The following RANBP2 variants were observed in gnomAD, a reference collection of about 807,000 sequenced individuals.
The protein encoded by RANBP2 is RAN binding protein 2.
RANBP2 carries 57 observed loss-of-function variants against 303.6 expected under a neutral mutation model. That is an observed-to-expected ratio of 0.19 (90% CI 0.15 to 0.23). RANBP2 has a LOEUF of 0.23. RANBP2 is among the 10% of genes least tolerant of loss of function. The pLI is 1.00. For missense variants in RANBP2, 3,138 were observed against 3,780.8 expected, an observed-to-expected ratio of 0.83 and a Z score of 4.46; for synonymous variants, 1,167 against 1,301.5, an observed-to-expected ratio of 0.90 and a Z score of 2.23.
At chr2:109,691,527 GC>G in the RANBP2 span, among the ~76,000 whole-genome samples, 3 of 152,214 alleles carry the variant, frequency 2.0e-5, no homozygotes, top group Admixed American at 2.0e-4. Context: ...AGCTTCAGGG[GC>G]CAGGCTAGGT....
At chr2:108,788,924 G>GAAC, downstream of RANBP2, 1 of 1,614,124 alleles carries the variant, frequency 6.2e-7, no homozygotes, top group Non-Finnish European at 8.5e-7. Context: ...AAGCATTGTA[G>GAAC]AACACCATTG....
the RANBP2 span, among the ~76,000 whole-genome samples, chr2:109,723,482 A>G: frequency 1.3e-5 from 2 of 152,192 alleles, no homozygotes; most frequent in Admixed American, 1.3e-4. Context: ...ATAAGATGGT[A>G]TCTCATTGTG....
the RANBP2 span, among the ~76,000 whole-genome samples, chr2:109,175,942 T>C: frequency 1.3e-5 from 2 of 152,242 alleles, no homozygotes; most frequent in African/African-American, 4.8e-5. Flanking sequence ...TAATACTTTA[T>C]TTTTCTGGAT....
At chr2:109,644,580 GA>G in the RANBP2 span, among the ~76,000 whole-genome samples, 1 of 152,052 alleles carries the variant, frequency 6.6e-6, no homozygotes, top group Non-Finnish European at 1.5e-5. Context: ...AGCTCCAAGG[GA>G]AAAAAAGAAT....
rs753674152 is a variant in RANBP2 at position 108,740,665 on chromosome 2, A to T, written c.959A>T (p.Tyr320Phe). The change falls in exon 7 of 29, where the codon TAT (tyrosine) becomes TTT (phenylalanine). Residue 320 changes from tyrosine to phenylalanine, a missense_variant. Physicochemically the swap from Tyr to Phe is conservative, Grantham distance 22 (BLOSUM62 3). Around this residue, in one of 20 missense-constraint regions of RANBP2, gnomAD observed 306 missense variants for 381.9 expected, o/e 0.80. Coordinates refer to ENST00000283195, the MANE Select transcript of RANBP2 (RefSeq NM_006267.5). Reference protein sequence around the residue: ...RALSELAALCYLIAFQVPRPK... With the variant: ...RALSELAALCFLIAFQVPRPK... ...CTTTCTGAGCTGGCTGCATTGTGCT[A>T]TCTCATAGCATTTCAGGTAAGTCTT... The T allele has an allele frequency of 1.9e-6, 3 of 1,597,398 alleles. No individual in the cohort carries two copies. Among genetic ancestry groups the T allele is most frequent in the Non-Finnish European group, 2.5e-6 (3 of 1,179,772 alleles).
chr2:108,776,923 A>G (rs1249394219), intron 24 of RANBP2, among the ~76,000 whole-genome samples: 1 of 152,134 alleles, frequency 6.6e-6, no homozygotes, highest in African/African-American at 2.4e-5. Context: ...TTGGTGTAGT[A>G]TTGTAGTATT....
chr2:109,199,842 T>A, the RANBP2 span, among the ~76,000 whole-genome samples: 1 of 53,618 alleles, frequency 1.9e-5, no homozygotes, highest in Non-Finnish European at 4.4e-5. Context: ...TGGAATGGAA[T>A]GGAATGGAAA....
At chr2:109,198,124 AC>A in the RANBP2 span, among the ~76,000 whole-genome samples, 1 of 152,132 alleles carries the variant, frequency 6.6e-6, no homozygotes, top group South Asian at 2.1e-4. Context: ...GTCTCTCAGT[AC>A]CCTAAGCAGA....
the RANBP2 span, among the ~76,000 whole-genome samples, chr2:109,093,467 C>T: frequency 6.7e-6 from 1 of 150,118 alleles, no homozygotes; most frequent in Non-Finnish European, 1.5e-5. Context: ...AAACTGCTTA[C>T]CATCACTTTG....
At chr2:108,848,679 G>A in the RANBP2 span, among the ~76,000 whole-genome samples, 3 of 152,158 alleles carry the variant, frequency 2.0e-5, no homozygotes, top group Non-Finnish European at 2.9e-5. Flanking sequence ...CAACAAATGC[G>A]ATGATTTATA....
the RANBP2 span, chr2:109,347,838 C>T: frequency 1.9e-6 from 3 of 1,613,830 alleles, no homozygotes; most frequent in East Asian, 6.7e-5. Flanking sequence ...TCCCAGCCAG[C>T]TATATCCAGT....
At chr2:109,177,991 T>C in the RANBP2 span, among the ~76,000 whole-genome samples, 4 of 152,144 alleles carry the variant, frequency 2.6e-5, no homozygotes, top group African/African-American at 4.8e-5. Context: ...AATCAGAAAA[T>C]TAGACCTAAA....
the RANBP2 span, chr2:108,798,737 ACACT>A: frequency 2.5e-6 from 1 of 393,206 alleles, no homozygotes; most frequent in Non-Finnish European, 4.5e-6. Context: ...ACACACACAC[ACACT>A]TTTTCTGATC....
chr2:109,133,759 C>T, the RANBP2 span, among the ~76,000 whole-genome samples: 1 of 150,160 alleles, frequency 6.7e-6, no homozygotes, highest in Admixed American at 6.6e-5. Context: ...AACTTCTTTC[C>T]CTGTTACAGA....
the RANBP2 span, among the ~76,000 whole-genome samples, chr2:109,474,896 C>T: frequency 6.6e-6 from 1 of 152,366 alleles, no homozygotes; most frequent in South Asian, 2.1e-4. Flanking sequence ...GGAAGGGCAG[C>T]ACCCCTCCCT....
chr2:108,878,384 G>A, the RANBP2 span: 1 of 214,316 alleles, frequency 4.7e-6, no homozygotes, highest in Non-Finnish European at 9.9e-6. Flanking sequence ...ATTCCCCAGT[G>A]CATTCAGATG....
the RANBP2 span, chr2:108,894,752 A>ATAAGTAAG: frequency 6.6e-6 from 1 of 152,022 alleles, no homozygotes; most frequent in African/African-American, 2.4e-5. Flanking sequence ...ATGTTTCCAA[A>ATAAGTAAG]TAAGTAAATG....
the RANBP2 span, among the ~76,000 whole-genome samples, chr2:109,378,174 C>T: frequency 3.0e-4 from 45 of 152,352 alleles, 1 homozygote; most frequent in East Asian, 3.7e-3. Flanking sequence ...TCCGCAGCAC[C>T]TCCAGACCTG....
At chr2:109,646,573 A>T in the RANBP2 span, among the ~76,000 whole-genome samples, 1 of 151,580 alleles carries the variant, frequency 6.6e-6, no homozygotes, top group African/African-American at 2.4e-5. Context: ...CTCACTGCAA[A>T]CTCTGCCTTC....
Sources: allele counts gnomAD v4.1 joint callset (sites outside exome capture counted in the v4.1 genomes callset), GRCh38; gene constraint gnomAD v4.1.1; regional missense constraint gnomAD v4.1.1; transcripts MANE v1.5; gene names NCBI Gene and HGNC (gene_info 2026-07-23, HGNC 2026-07-21).